The following KIAA0825 variants were observed in gnomAD, a reference collection of about 807,000 sequenced individuals.
KIAA0825 encodes KIAA0825, also known as uncharacterized protein KIAA0825.
In KIAA0825, 119 loss-of-function variants were observed where a neutral mutation model predicts 147.6. The ratio of observed to expected loss-of-function variants is 0.81; its 90% CI spans 0.69 to 0.94. The LOEUF (loss-of-function observed/expected upper bound fraction) is 0.94. Among genes scored for constraint, KIAA0825 ranks in the 40% least tolerant of loss-of-function variants. KIAA0825 has a pLI of 0.00. For missense variants in KIAA0825, 1,381 were observed against 1,472.7 expected (o/e 0.94, Z 1.02); for synonymous variants, 470 against 518.1 (o/e 0.91, Z 1.26).
intron 3 of KIAA0825, among the ~76,000 whole-genome samples, chr5:94,533,847 TA>T (rs1206502883): frequency 3.3e-5 from 5 of 152,200 alleles, no homozygotes; most frequent in Non-Finnish European, 7.3e-5. Flanking sequence ...AACGAGAATG[TA>T]AAAGTGAAGT....
At chr5:94,226,471 T>C (rs1202772151) in intron 20 of KIAA0825, among the ~76,000 whole-genome samples, 1 of 152,026 alleles carries the variant, frequency 6.6e-6, no homozygotes, top group Non-Finnish European at 1.5e-5. Context: ...TCCTCAAGGA[T>C]CTGAAACTAG....
At chr5:94,491,557 C>T (rs1002779203) in intron 5 of KIAA0825, among the ~76,000 whole-genome samples, 2 of 152,104 alleles carry the variant, frequency 1.3e-5, no homozygotes, top group Non-Finnish European at 1.5e-5. Flanking sequence ...TGTAAAGGGC[C>T]TTCTGTGTCA....
chr5:94,305,006 A>G (rs1436336062), intron 20 of KIAA0825, among the ~76,000 whole-genome samples: 2 of 152,058 alleles, frequency 1.3e-5, no homozygotes, highest in Non-Finnish European at 2.9e-5. Flanking sequence ...TTTTTAAAAC[A>G]TACCTTTAAA....
chr5:94,484,915 G>T lies in KIAA0825; in HGVS notation c.986C>A (p.Pro329Gln). 1.3e-6 allele frequency: 2 copies of T among 1,510,328 alleles called. No homozygotes were observed. The highest frequency in any genetic ancestry group is 8.9e-7 in the Non-Finnish European group (1 of 1,120,262). 93.6% of individuals were successfully genotyped at this position (1,510,328 alleles called of 1,614,324 possible). The change falls in exon 6 of 21, where the codon CCA becomes CAA. Residue 329 changes from proline (P) to glutamine (Q), a missense_variant. Coordinates refer to ENST00000682413, the MANE Select transcript of KIAA0825 (RefSeq NM_001145678.3). ...GAGAGAGAAGTTTCTTCCTTTCTGT[G>T]GGCATTCAGTAGTAACTGTGAAAAG... ...AVHALVTTEC[P>Q]QKGRNFSLPL...
At chr5:94,263,255 A>G (rs1205292740) in intron 20 of KIAA0825, among the ~76,000 whole-genome samples, 1 of 152,116 alleles carries the variant, frequency 6.6e-6, no homozygotes, top group Non-Finnish European at 1.5e-5. Context: ...TTTTCTTTCA[A>G]TTCTGGTAAC....
intron 5 of KIAA0825, among the ~76,000 whole-genome samples, chr5:94,486,026 T>G (rs1396229277): frequency 6.6e-6 from 1 of 151,884 alleles, no homozygotes; most frequent in Non-Finnish European, 1.5e-5. Flanking sequence ...TTTATACTCT[T>G]TAAGAGTATG....
intron 20 of KIAA0825, among the ~76,000 whole-genome samples, chr5:94,253,912 C>T (rs574581799): frequency 1.3e-5 from 2 of 152,254 alleles, no homozygotes; most frequent in South Asian, 4.1e-4. Flanking sequence ...CACAATGCAT[C>T]TTCACTGTCA....
intron 20 of KIAA0825, among the ~76,000 whole-genome samples, chr5:94,337,192 G>GA (rs950419568): frequency 5.3e-5 from 8 of 151,770 alleles, no homozygotes; most frequent in Admixed American, 3.3e-4. Flanking sequence ...TATAAATTTA[G>GA]AAAAAAAATG....
In KIAA0825 at chr5:94,473,304, C is replaced by G. The variant is rs1761444554; in HGVS notation, c.1443G>C (p.Lys481Asn). 6.4e-7 allele frequency: 1 copy of G among 1,551,406 alleles called. No individual in the cohort carries two copies. The highest frequency in any genetic ancestry group is 8.7e-7 in the Non-Finnish European group (1 of 1,146,880). The change falls in exon 8 of 21, where the codon AAG (lysine) becomes AAC (asparagine). Residue 481 changes from lysine to asparagine, a missense_variant. By Grantham distance (94) the Lys-to-Asn change is moderately conservative. Coordinates refer to ENST00000682413, the MANE Select transcript of KIAA0825 (RefSeq NM_001145678.3). ...SHMFPEEEQP[K>N]KIGKFCSDIM... is the part of the protein sequence containing the mutation. ...TTCATATACTTGCTTTTCCAATTTT[C>G]TTTGGTTGTTCCTCCTCAGGAAACA...
intron 20 of KIAA0825, among the ~76,000 whole-genome samples, chr5:94,311,096 A>AT (rs111370010): frequency 2.6e-3 from 387 of 151,480 alleles, no homozygotes; most frequent in African/African-American, 8.8e-3. Context: ...ATGCCATTGC[A>AT]TTTTTTTTCA....
At chr5:94,516,603 A>G (rs1242235334) in intron 5 of KIAA0825, among the ~76,000 whole-genome samples, 1 of 150,880 alleles carries the variant, frequency 6.6e-6, no homozygotes, top group East Asian at 1.9e-4. Flanking sequence ...GGAGATCGAG[A>G]CCACGGTGAA....
intron 1 of KIAA0825, chr5:94,593,017 A>T: frequency 1.6e-6 from 1 of 640,566 alleles, no homozygotes; most frequent in East Asian, 2.8e-5. Flanking sequence ...GCAGAAGATC[A>T]GTCTATTAAA....
At chr5:94,592,604 T>C (rs2152395612) in intron 1 of KIAA0825, among the ~76,000 whole-genome samples, 1 of 152,256 alleles carries the variant, frequency 6.6e-6, no homozygotes, top group South Asian at 2.1e-4. Context: ...AAAGTTGCAG[T>C]GTGATGATGG....
At chr5:94,601,640 T>TA (rs938753451) in intron 1 of KIAA0825, among the ~76,000 whole-genome samples, 5 of 152,070 alleles carry the variant, frequency 3.3e-5, no homozygotes, top group African/African-American at 1.2e-4. Context: ...GCAAGAAAGC[T>TA]AAAAATCACA....
At chr5:94,596,842 T>C (rs1785407620) in intron 1 of KIAA0825, among the ~76,000 whole-genome samples, 1 of 152,320 alleles carries the variant, frequency 6.6e-6, no homozygotes, top group East Asian at 1.9e-4. Flanking sequence ...GTGGCAATTG[T>C]GAATGGGACT....
At chr5:94,470,448 T>C (rs566506068) in intron 9 of KIAA0825, among the ~76,000 whole-genome samples, 2 of 152,308 alleles carry the variant, frequency 1.3e-5, no homozygotes, top group South Asian at 2.1e-4. Flanking sequence ...CATTAGGTTA[T>C]TGTTTTTACT....
At chr5:94,167,069 C>A (rs758404570) in intron 20 of KIAA0825, among the ~76,000 whole-genome samples, 37 of 151,982 alleles carry the variant, frequency 2.4e-4, no homozygotes, top group Non-Finnish European at 4.7e-4. Context: ...CTCCATTACA[C>A]CCCCCTCCTC....
intron 20 of KIAA0825, among the ~76,000 whole-genome samples, chr5:94,298,958 A>T (rs1778260665): frequency 6.6e-6 from 1 of 152,170 alleles, no homozygotes; most frequent in Admixed American, 6.6e-5. Context: ...AGGGTAAGGT[A>T]ACCCTCAATT....
intron 20 of KIAA0825, among the ~76,000 whole-genome samples, chr5:94,331,160 G>T (rs2434362): frequency 0.4 from 60,024 of 149,486 alleles, 12,456 homozygotes; most frequent in African/African-American, 0.52. Context: ...GAAAGAGAGA[G>T]AGAGAGAAAG....
Sources: allele counts gnomAD v4.1 joint callset (sites outside exome capture counted in the v4.1 genomes callset), GRCh38; gene constraint gnomAD v4.1.1; transcripts MANE v1.5; gene names NCBI Gene and HGNC (gene_info 2026-07-23, HGNC 2026-07-21).